Variants in FHOD3 observed in about 807,000 individuals in gnomAD.
The protein encoded by FHOD3 is formin homology 2 domain containing 3.
In FHOD3, 90 loss-of-function variants were observed where a neutral mutation model predicts 173.0. The ratio of observed to expected loss-of-function variants is 0.52; its 90% CI spans 0.44 to 0.62. The LOEUF (loss-of-function observed/expected upper bound fraction) is 0.62, where lower values mean the gene tolerates loss of function less well. FHOD3 is among the 20% of genes least tolerant of loss of function. FHOD3 has a pLI of 0.00. For synonymous variants in FHOD3, 828 were observed against 823.0 expected, an observed-to-expected ratio of 1.01 and a Z score of -0.10; for missense variants, 1,945 against 2,034.7, an observed-to-expected ratio of 0.96 and a Z score of 0.85.
intron 19 of FHOD3, among the ~76,000 whole-genome samples, chr18:36,728,592 G>GT (rs113530739): frequency 2.8e-3 from 398 of 144,538 alleles, no homozygotes; most frequent in African/African-American, 4.8e-3. Context: ...TTGTTGTTGG[G>GT]TTTTTTTTTT....
At chr18:36,719,817 T>G (rs2040660612) in intron 19 of FHOD3, among the ~76,000 whole-genome samples, 1 of 152,158 alleles carries the variant, frequency 6.6e-6, no homozygotes, top group Non-Finnish European at 1.5e-5. Context: ...ACAGAGTTAG[T>G]GCCTGTCACT....
At chr18:36,336,892 T>C (rs941783477) in intron 1 of FHOD3, among the ~76,000 whole-genome samples, 1 of 143,874 alleles carries the variant, frequency 7.0e-6, no homozygotes, top group Non-Finnish European at 1.5e-5. Flanking sequence ...AATTTCTATG[T>C]CGAGCACGGT....
intron 8 of FHOD3, among the ~76,000 whole-genome samples, chr18:36,603,592 C>T (rs1266758622): frequency 6.6e-6 from 1 of 152,048 alleles, no homozygotes; most frequent in Non-Finnish European, 1.5e-5. Context: ...CAGCCTCCAC[C>T]TCCCAGGTTC....
intron 3 of FHOD3, among the ~76,000 whole-genome samples, chr18:36,404,699 C>A (rs149005114): frequency 1.5e-3 from 223 of 152,212 alleles, no homozygotes; most frequent in African/African-American, 5.0e-3. Context: ...AGTTCAGTGG[C>A]TATTGGGGGG....
At chr18:36,326,638 G>C (rs1471511343) in intron 1 of FHOD3, among the ~76,000 whole-genome samples, 1 of 152,004 alleles carries the variant, frequency 6.6e-6, no homozygotes, top group Non-Finnish European at 1.5e-5. Context: ...AGTAGTCGCA[G>C]GTACTCGGAG....
chr18:36,652,492 C>T, intron 11 of FHOD3, 78 bp from the exon 12 acceptor site: 2 of 1,440,882 alleles, frequency 1.4e-6, no homozygotes, highest in Admixed American at 5.2e-5. Context: ...TTTTGCCTGT[C>T]TCTCTTTTTC....
At chr18:36,768,526 T>C (rs2043237087) in intron 27 of FHOD3, among the ~76,000 whole-genome samples, 1 of 152,216 alleles carries the variant, frequency 6.6e-6, no homozygotes, top group Non-Finnish European at 1.5e-5. Flanking sequence ...CAAATCCCTC[T>C]GTATACTGAG....
intron 14 of FHOD3, among the ~76,000 whole-genome samples, chr18:36,680,276 G>C (rs1021644759): frequency 7.9e-5 from 12 of 152,240 alleles, no homozygotes; most frequent in Admixed American, 2.0e-4. Context: ...ACATCTGTGG[G>C]ACTCATGGCA....
chr18:36,568,843 T>C (rs1378764676), intron 5 of FHOD3, among the ~76,000 whole-genome samples: 1 of 152,028 alleles, frequency 6.6e-6, no homozygotes, highest in East Asian at 1.9e-4. Context: ...ACTAGGAAAA[T>C]CCCAACTTGC....
chr18:36,656,230 C>T (rs566964698), intron 13 of FHOD3, among the ~76,000 whole-genome samples: 2 of 152,316 alleles, frequency 1.3e-5, no homozygotes, highest in African/African-American at 4.8e-5. Context: ...AGGTTCCTTT[C>T]ATCCTTTGCT....
Position 36,718,320 on chromosome 18 carries a change from G to A in FHOD3, c.3022G>A (p.Val1008Ile). The A allele has an allele frequency of 2.5e-6, 4 of 1,614,058 alleles. No individual in the cohort carries two copies. The highest frequency in any genetic ancestry group is 3.4e-6 in the Non-Finnish European group (4 of 1,180,006). ...CCTGGGGGAGGAGGATGACATTGAT[G>A]TCCTAGATGTGGACCTGGGTCACAG... The part of the protein sequence containing the change: ...TDLGEEDDID[V>I]LDVDLGHREA... The change falls in exon 19 of 29, where the codon GTC becomes ATC. Residue 1008 changes from valine to isoleucine, a missense_variant. Val to Ile is a conservative substitution (Grantham distance 29). Coordinates refer to ENST00000590592, the MANE Select transcript of FHOD3 (RefSeq NM_001281740.3).
chr18:36,579,584 G>A (rs942737524), intron 6 of FHOD3, among the ~76,000 whole-genome samples: 4 of 152,204 alleles, frequency 2.6e-5, no homozygotes, highest in African/African-American at 9.6e-5. Context: ...AAGCTCTGCT[G>A]TCATGAATGG....
At chr18:36,355,509 G>A (rs777209295) in intron 1 of FHOD3, 30 bp from the exon 2 acceptor site, 3 of 1,583,872 alleles carry the variant, frequency 1.9e-6, no homozygotes, top group East Asian at 2.2e-5. Flanking sequence ...TGAGGAGCAG[G>A]TTGGGTATAA....
Position 36,748,392 on chromosome 18 carries a change from CA to C in FHOD3, c.4232+1258del, listed in dbSNP as rs933802756. On this transcript the variant is annotated intron_variant, in intron 24 of 28. Transcript: ENST00000590592. ...CACACACACACACACAACACACACACACACACACACACACACACACACACAC... is the reference window on the plus strand; with the variant it reads ...CACACACACACACACAACACACACACCACACACACACACACACACACACAC... Among the ~76,000 whole-genome samples the C allele has an allele frequency of 2.1e-3, 297 of 139,206 alleles. 1 individual carries two copies. The highest frequency in any genetic ancestry group is 4.0e-3 in the Admixed American group (59 of 14,596). The allele number at this position is 139,206 out of a possible 152,430, so 91.3% of individuals were successfully genotyped here. A position where few individuals can be genotyped will look rare whatever the true frequency, so the allele number is the denominator to read the frequency against.
At chr18:36,711,666 C>T (rs1438762379) in intron 18 of FHOD3, among the ~76,000 whole-genome samples, 1 of 152,186 alleles carries the variant, frequency 6.6e-6, no homozygotes, top group Non-Finnish European at 1.5e-5. Context: ...AACATAGCAG[C>T]ACCCTGAGAA....
chr18:36,548,058 G>C (rs2057485912), intron 5 of FHOD3, among the ~76,000 whole-genome samples: 1 of 152,156 alleles, frequency 6.6e-6, no homozygotes, highest in Admixed American at 6.5e-5. Flanking sequence ...TGGTCGTGAT[G>C]GTGCATGCCT....
intron 1 of FHOD3, among the ~76,000 whole-genome samples, chr18:36,319,838 C>G (rs2044305303): frequency 6.6e-6 from 1 of 152,184 alleles, no homozygotes; most frequent in Non-Finnish European, 1.5e-5. Flanking sequence ...GAAACTCACT[C>G]AAACCCACAC....
At chr18:36,321,505 T>G (rs895648087) in intron 1 of FHOD3, among the ~76,000 whole-genome samples, 2 of 152,244 alleles carry the variant, frequency 1.3e-5, no homozygotes, top group African/African-American at 4.8e-5. Context: ...TGGAGCTTTC[T>G]GCAAATGGGA....
At chr18:36,529,889 C>T (rs1000841034) in intron 5 of FHOD3, among the ~76,000 whole-genome samples, 7 of 152,254 alleles carry the variant, frequency 4.6e-5, no homozygotes, top group East Asian at 1.9e-4. Context: ...CGTTCAGCAT[C>T]GAAAGTCAGA....
Sources: gnomAD v4.1 joint callset for allele counts (sites outside exome capture counted in the v4.1 genomes callset) on GRCh38, gnomAD v4.1.1 for gene constraint, MANE v1.5 for transcripts, NCBI Gene and HGNC (gene_info 2026-07-23, HGNC 2026-07-21) for gene names.